Variants in PTK2 observed in about 807,000 individuals in gnomAD.
PTK2 encodes the protein focal adhesion kinase 1.
In PTK2, 45 loss-of-function variants were observed where a neutral mutation model predicts 150.1. The observed-to-expected ratio is 0.30, with a 90% CI of 0.24 to 0.38. The LOEUF is 0.38. PTK2 is among the 10% of genes least tolerant of loss of function. The pLI is 1.00. For synonymous variants in PTK2, 432 were observed against 449.2 expected, an observed-to-expected ratio of 0.96 and a Z score of 0.48; for missense variants, 919 against 1,307.3, an observed-to-expected ratio of 0.70 and a Z score of 4.58.
intron 22 of PTK2, among the ~76,000 whole-genome samples, chr8:140,728,565 C>G (rs2100047300): frequency 6.6e-6 from 1 of 152,202 alleles, no homozygotes; most frequent in Non-Finnish European, 1.5e-5. Flanking sequence ...GTTACCCAGG[C>G]TGGAGTGCAG....
intron 17 of PTK2, 28 bp from the exon 21 acceptor site, chr8:140,746,888 CTT>C: frequency 2.6e-6 from 3 of 1,135,868 alleles, no homozygotes; most frequent in Non-Finnish European, 3.7e-6. Flanking sequence ...CATAGTTATT[CTT>C]TCTTTTTTTT....
At chr8:140,717,756 A>G (rs1383930351) in intron 22 of PTK2, 47 bp from the exon 26 acceptor site, 1 of 1,462,438 alleles carries the variant, frequency 6.8e-7, no homozygotes, top group East Asian at 2.3e-5. Context: ...ACCCAGAGTT[A>G]GCACACACTA....
At chr8:140,936,126 CCTCCAGCCTGAGCTGGAGTAAAA>C (rs981118461) in intron 1 of PTK2, among the ~76,000 whole-genome samples, 2 of 151,998 alleles carry the variant, frequency 1.3e-5, no homozygotes, top group African/African-American at 4.8e-5. Flanking sequence ...GTGCTATTGC[CCTCCAGCCTGAGCTGGAGTAAAA>C]CTCTGTCTCT....
At chr8:140,754,178 C>T (rs1344203824) in intron 16 of PTK2, among the ~76,000 whole-genome samples, 1 of 152,176 alleles carries the variant, frequency 6.6e-6, no homozygotes, top group Admixed American at 6.5e-5. Context: ...GCCCATGTGC[C>T]AGATGCCTCA....
At chr8:140,990,512 G>C (rs2100195304) in intron 1 of PTK2, among the ~76,000 whole-genome samples, 1 of 152,070 alleles carries the variant, frequency 6.6e-6, no homozygotes, top group African/African-American at 2.4e-5. Flanking sequence ...AAAGTGCTGG[G>C]GTTACAGGCG....
At chr8:141,001,386 T>A (rs2100200215), upstream of PTK2, 2 of 149,866 alleles carry the variant, frequency 1.3e-5, no homozygotes, top group Admixed American at 1.3e-4. Context: ...AGTTCCCGCC[T>A]CTCGGGGGGA....
At chr8:140,744,862 C>T (rs1593316489) in intron 18 of PTK2, 95 bp from the exon 22 acceptor site, 2 of 598,400 alleles carry the variant, frequency 3.3e-6, no homozygotes, top group South Asian at 5.6e-5. Context: ...AACAATAATG[C>T]TGTTTTCAAT....
chr8:140,973,644 G>A (rs1020732684), intron 1 of PTK2, among the ~76,000 whole-genome samples: 1 of 152,110 alleles, frequency 6.6e-6, no homozygotes. Context: ...CCCACATGTT[G>A]ACAACATGCA....
At chr8:140,663,632 A>T (rs2084367854) in intron 31 of PTK2, among the ~76,000 whole-genome samples, 3 of 152,168 alleles carry the variant, frequency 2.0e-5, no homozygotes, top group Non-Finnish European at 4.4e-5. Context: ...AGCAAAAATG[A>T]TAGTTGTTGC....
At chr8:140,665,088 G>A in intron 30 of PTK2, 91 bp from the exon 35 acceptor site, 6 of 1,171,904 alleles carry the variant, frequency 5.1e-6, no homozygotes, top group Non-Finnish European at 7.2e-6. Flanking sequence ...CTTTCCACAA[G>A]TTTCAAGGCA....
chr8:140,696,079 A>G (rs2100026379), intron 26 of PTK2, among the ~76,000 whole-genome samples: 1 of 152,164 alleles, frequency 6.6e-6, no homozygotes, highest in Admixed American at 6.5e-5. Flanking sequence ...GATGCTTAAC[A>G]CTGTACGGTG....
At chr8:140,665,790 C>T (rs185594543) in intron 30 of PTK2, among the ~76,000 whole-genome samples, 23 of 152,242 alleles carry the variant, frequency 1.5e-4, no homozygotes, top group African/African-American at 5.5e-4. Context: ...TATAAAATCA[C>T]CATATAAAAT....
At chr8:140,768,720 G>C (rs900129715) in intron 14 of PTK2, among the ~76,000 whole-genome samples, 3 of 152,184 alleles carry the variant, frequency 2.0e-5, no homozygotes, top group African/African-American at 7.2e-5. Context: ...GAAAGCTCTA[G>C]ATGAATTGCA....
At chr8:140,875,005 A>G (rs1394376737) in intron 4 of PTK2, among the ~76,000 whole-genome samples, 1 of 152,220 alleles carries the variant, frequency 6.6e-6, no homozygotes, top group Non-Finnish European at 1.5e-5. Context: ...CACATATATA[A>G]TATCAGTCTT....
intron 10 of PTK2, among the ~76,000 whole-genome samples, chr8:140,806,407 G>A (rs1566767051): frequency 6.6e-6 from 1 of 152,122 alleles, no homozygotes; most frequent in Non-Finnish European, 1.5e-5. Context: ...CGTAACAGAG[G>A]ATGTCGGAGG....
At chr8:140,995,381 CA>C (rs34527935) in intron 1 of PTK2, among the ~76,000 whole-genome samples, 39,038 of 92,098 alleles carry the variant, frequency 0.42, 5,968 homozygotes, top group Middle Eastern at 0.56. Context: ...GACTCCGTCT[CA>C]AAAAAAAAAA....
At chr8:140,991,777 G>C (rs886340593) in intron 1 of PTK2, among the ~76,000 whole-genome samples, 15 of 152,114 alleles carry the variant, frequency 9.9e-5, no homozygotes, top group African/African-American at 3.6e-4. Flanking sequence ...AGAAGGCCAA[G>C]GTGGGAGAAC....
At chr8:140,707,487 C>T (rs2100034474) in intron 23 of PTK2, among the ~76,000 whole-genome samples, 1 of 152,212 alleles carries the variant, frequency 6.6e-6, no homozygotes, top group South Asian at 2.1e-4. Flanking sequence ...CTCACTGCAA[C>T]CACTGCCTCC....
chr8:140,741,464 AT>A (rs1315453893), intron 20 of PTK2, among the ~76,000 whole-genome samples: 1 of 151,700 alleles, frequency 6.6e-6, no homozygotes, highest in Non-Finnish European at 1.5e-5. Context: ...CAAAAAAAAA[AT>A]AATAATAATA....
Sources: allele counts gnomAD v4.1 joint callset (sites outside exome capture counted in the v4.1 genomes callset), GRCh38; gene constraint gnomAD v4.1.1; transcripts MANE v1.5; gene names NCBI Gene and HGNC (gene_info 2026-07-23, HGNC 2026-07-21).